UNK: variants seen among roughly 807,000 people sequenced by gnomAD.
UNK encodes the protein RING finger protein unkempt homolog.
Under a neutral mutation model 97.6 loss-of-function variants are expected in UNK, and 32 were observed. The observed-to-expected ratio is 0.33, with a 90% CI of 0.25 to 0.44. The LOEUF is 0.44. UNK is among the 20% of genes least tolerant of loss of function. The pLI is 1.00. For missense variants in UNK, 771 were observed against 1,098.4 expected, an observed-to-expected ratio of 0.70 and a Z score of 4.21; for synonymous variants, 441 against 461.2, an observed-to-expected ratio of 0.96 and a Z score of 0.56.
chr17:75,795,786 C>G (rs1033582778), intron 1 of UNK, among the ~76,000 whole-genome samples: 1 of 152,200 alleles, frequency 6.6e-6, no homozygotes, highest in Admixed American at 6.5e-5. Context: ...CTAGGCCCCA[C>G]AGGGCAAGGG....
chr17:75,785,081 C>T (rs2061694840), intron 1 of UNK, 97 bp downstream of exon 1: 4 of 795,410 alleles, frequency 5.0e-6, no homozygotes, highest in South Asian at 4.1e-5. Context: ...CGGCCTCTTC[C>T]TCCCCCCCTT....
At chr17:75,794,726 G>GC (rs2061791003) in intron 1 of UNK, among the ~76,000 whole-genome samples, 1 of 152,130 alleles carries the variant, frequency 6.6e-6, no homozygotes, top group Non-Finnish European at 1.5e-5. Flanking sequence ...TTGAGGCCCA[G>GC]CTCTGTCAGT....
At position 75,818,050 on chromosome 17, in the gene UNK, C is replaced by G; in HGVS notation, c.1306-53C>G. 3.8e-6 allele frequency: 6 copies of G among 1,591,058 alleles called. No individual in the cohort carries two copies. The highest frequency in any genetic ancestry group is 5.2e-6 in the Non-Finnish European group (6 of 1,161,196). ...ACCTGCAGCCTCAGGGTCAGATGGA[C>G]TCAGGGACCCCCCAGCACCACATTC... On this transcript the variant is annotated intron_variant, in intron 9 of 15. Transcript: ENST00000589666. The surrounding 1 kb of genome is among the most constrained non-coding windows in gnomAD (Gnocchi z 5.1).
chr17:75,821,813 G>A (rs947811800), intron 13 of UNK: 13 of 436,742 alleles, frequency 3.0e-5, no homozygotes, highest in Non-Finnish European at 5.1e-5. Flanking sequence ...AGTGAGCAGA[G>A]GGCAGCTGGG....
intron 2 of UNK, among the ~76,000 whole-genome samples, chr17:75,811,612 A>C (rs1055363337): frequency 1.3e-5 from 2 of 152,106 alleles, no homozygotes; most frequent in Non-Finnish European, 2.9e-5. Flanking sequence ...AGGCAGCAGC[A>C]GGGCAGTTCT....
rs1354547545 is a variant in UNK at position 75,784,931 on chromosome 17, G to A, written c.51G>A (p.Pro17=). ...GCTCCGCAGCTTCCTCGGCGCCCCC[G>A]GCCGCTACCGCTCAGGTGCTGCAGG... is the stretch of plus-strand genomic sequence containing the variant. ...PGGSAASSAP[P]AATAQVLQAQ... is the part of the protein sequence containing the mutation. The change falls in exon 1 of 16, where the codon CCG becomes CCA. Residue 17 remains proline (P), a synonymous_variant. Coordinates refer to ENST00000589666, the MANE Select transcript of UNK (RefSeq NM_001080419.3). 1.9e-6 allele frequency: 3 copies of A among 1,554,524 alleles called. No individual in the cohort carries two copies. Among genetic ancestry groups the A allele is most frequent in the South Asian group, 2.4e-5 (2 of 85,052 alleles).
At chr17:75,812,417 C>T (rs1289157602) in intron 3 of UNK, 38 bp from the exon 4 acceptor site, 1 of 1,595,658 alleles carries the variant, frequency 6.3e-7, no homozygotes, top group Non-Finnish European at 8.6e-7. Context: ...CCCCTCATGC[C>T]CCCTCTCCAC....
intron 1 of UNK, among the ~76,000 whole-genome samples, chr17:75,788,267 C>T (rs2061731622): frequency 6.6e-6 from 1 of 151,754 alleles, no homozygotes; most frequent in Admixed American, 6.6e-5. Flanking sequence ...GCAACCTCCA[C>T]CTCCCGGGTT....
chr17:75,785,190 C>A (rs956668547), intron 1 of UNK: 21 of 512,066 alleles, frequency 4.1e-5, no homozygotes, highest in Non-Finnish European at 6.8e-5. Flanking sequence ...GGGCGGGAAA[C>A]TCGGTCCCGG....
rs909211917 is a variant in UNK at position 75,820,185 on chromosome 17, T to A, written c.1837+77T>A. The stretch of plus-strand genomic sequence containing the variant: ...TTAGGAGGTGCCTCTGGCCACCCCA[T>A]CTACGGCATATCAGCTAGGCTGGGG... On this transcript the variant is annotated intron_variant, in intron 13 of 15. Coordinates refer to ENST00000589666, the MANE Select transcript of UNK (RefSeq NM_001080419.3). The A allele has an allele frequency of 1.4e-5, 21 of 1,451,252 alleles. No homozygotes were observed. In the African/African-American group the frequency reaches 2.8e-4, roughly 20 times the overall value. 89.9% of individuals were successfully genotyped at this position (1,451,252 alleles called of 1,614,324 possible). A position where few individuals can be genotyped will look rare whatever the true frequency, so the allele number is the denominator to read the frequency against.
At chr17:75,812,707 A>T in intron 4 of UNK, 122 bp downstream of exon 4, 3 of 1,388,670 alleles carry the variant, frequency 2.2e-6, no homozygotes, top group Non-Finnish European at 2.8e-6. Flanking sequence ...CCCGCATCCC[A>T]CCCTACACCC....
chr17:75,809,686 G>A, intron 1 of UNK, 74 bp from the exon 2 acceptor site: 1 of 1,511,210 alleles, frequency 6.6e-7, no homozygotes, highest in Non-Finnish European at 9.0e-7. Context: ...GGACTTGGCG[G>A]CTAACTTCTT....
chr17:75,790,540 G>A (rs1185235874), intron 1 of UNK, among the ~76,000 whole-genome samples: 1 of 151,904 alleles, frequency 6.6e-6, no homozygotes, highest in Non-Finnish European at 1.5e-5. Context: ...GCCGAGGTGG[G>A]AGGATCCCTG....
chr17:75,805,857 G>A (rs1452419593), intron 1 of UNK, among the ~76,000 whole-genome samples: 6 of 135,178 alleles, frequency 4.4e-5, no homozygotes, highest in African/African-American at 1.8e-4. Context: ...TAATATATAT[G>A]TATGTATTAT....
In UNK at chr17:75,790,476, A is replaced by T. The variant is rs184874023; in HGVS notation, c.104+5492A>T. On this transcript the variant is annotated intron_variant, in intron 1 of 15. Transcript: ENST00000589666. ...CAAGACCTCCTCTCTACTAAAAATT[A>T]AAAAAACGAGCCTGGTGTGGTGGTG... is the stretch of plus-strand genomic sequence containing the variant. Among the ~76,000 whole-genome samples the T allele has an allele frequency of 3.1e-3, 472 of 151,866 alleles. 3 individuals carry two copies. Among genetic ancestry groups the T allele is most frequent in the African/African-American group, 0.011 (452 of 41,404 alleles).
rs2062054045 is a variant in UNK, at chr17:75,820,154, G to A, written c.1837+46G>A. The A allele has an allele frequency of 3.2e-6, 5 of 1,561,358 alleles. No homozygotes were observed. In the African/African-American group the frequency reaches 6.8e-5, roughly 21 times the overall value. On this transcript the variant is annotated intron_variant, in intron 13 of 15. Transcript: ENST00000589666. The stretch of plus-strand genomic sequence containing the variant: ...CTCAGGAGAACTGGGGCAGGAACCT[G>A]CGCCTTTAGGAGGTGCCTCTGGCCA...
chr17:75,802,205 G>T (rs1428726226), intron 1 of UNK, among the ~76,000 whole-genome samples: 1 of 129,496 alleles, frequency 7.7e-6, no homozygotes, highest in Non-Finnish European at 1.6e-5. Context: ...TAAGTGCTTT[G>T]TCTGATAATG....
chr17:75,824,532 TTATG>T lies in UNK; in HGVS notation c.*119_*122del. The T allele has an allele frequency of 3.7e-6, 3 of 805,212 alleles. No homozygotes were observed. The highest frequency in any genetic ancestry group is 4.8e-6 in the Non-Finnish European group (3 of 620,616). The allele number at this position is 805,212 out of a possible 1,614,324, so 49.9% of individuals were successfully genotyped here. A position where few individuals can be genotyped will look rare whatever the true frequency, so the allele number is the denominator to read the frequency against. ...TATGTATGTATGTATATGTATATGA[TTATG>T]TATATGTATACATTTCCGTATGTAT... On this transcript the variant is annotated 3_prime_UTR_variant, in exon 16 of 16. Coordinates refer to ENST00000589666, the MANE Select transcript of UNK (RefSeq NM_001080419.3). This position sits in a 1 kb window ranked among gnomAD's most constrained non-coding sequence, Gnocchi z 4.9.
chr17:75,797,658 TGA>T (rs758917487), intron 1 of UNK, among the ~76,000 whole-genome samples: 14 of 152,226 alleles, frequency 9.2e-5, no homozygotes, highest in Non-Finnish European at 1.5e-4. Flanking sequence ...AGCTGCTGTG[TGA>T]GGGTCATGAG....
Sources: allele counts gnomAD v4.1 joint callset (sites outside exome capture counted in the v4.1 genomes callset), GRCh38; gene constraint gnomAD v4.1.1; non-coding constraint Gnocchi (gnomAD v3.1); transcripts MANE v1.5; gene names NCBI Gene and HGNC (gene_info 2026-07-23, HGNC 2026-07-21).